Variants in ANO3 observed in about 807,000 individuals in gnomAD.
ANO3 encodes the protein anoctamin-3.
In ANO3, 99 loss-of-function variants were observed where a neutral mutation model predicts 144.8. The observed-to-expected ratio is 0.68, with a 90% CI of 0.58 to 0.81. The LOEUF is 0.81. Ranked by LOEUF, ANO3 falls within the 30% of genes least tolerant of loss-of-function variation. ANO3 has a pLI of 0.00. For synonymous variants in ANO3, 414 were observed against 392.6 expected (o/e 1.05, Z -0.64); for missense variants, 905 against 1,202.2 (o/e 0.75, Z 3.66).
chr11:26,373,435 C>T (rs535819296), intron 1 of ANO3, among the ~76,000 whole-genome samples: 14 of 152,224 alleles, frequency 9.2e-5, no homozygotes, highest in South Asian at 2.1e-4. Flanking sequence ...TTTTGCCTTC[C>T]GCCATGATTG....
At chr11:26,462,251 C>A (rs1859422147) in intron 3 of ANO3, among the ~76,000 whole-genome samples, 1 of 151,824 alleles carries the variant, frequency 6.6e-6, no homozygotes, top group South Asian at 2.1e-4. Context: ...GTTTTGATAT[C>A]TTTGAAAGGG....
At chr11:26,507,956 C>T in intron 4 of ANO3, 148 bp from the exon 5 acceptor site, 2 of 696,968 alleles carry the variant, frequency 2.9e-6, no homozygotes, top group South Asian at 4.8e-5. Context: ...TGTAAACACT[C>T]TTTAATTCTA....
chr11:26,313,801 G>C (rs1854559578), intron 1 of ANO3, among the ~76,000 whole-genome samples: 1 of 151,222 alleles, frequency 6.6e-6, no homozygotes, highest in Admixed American at 6.6e-5. Context: ...TTTGTTAAAT[G>C]CTATGTAAAT....
At chr11:26,455,694 A>G (rs1859125651) in intron 3 of ANO3, among the ~76,000 whole-genome samples, 1 of 148,748 alleles carries the variant, frequency 6.7e-6, no homozygotes, top group Non-Finnish European at 1.5e-5. Flanking sequence ...GCTACCAATG[A>G]CTTTCTTCAC....
Position 26,312,113 on chromosome 11 carries a change from C to T in ANO3, c.-3+2394C>T, listed in dbSNP as rs146842749. Among the ~76,000 whole-genome samples the T allele has an allele frequency of 5.5e-3, 830 of 152,234 alleles. 3 individuals are homozygous for T. The highest frequency in any genetic ancestry group is 0.01 in the Middle Eastern group (3 of 294). ...TGCAGTGTTTGGTTTTCTGTCCTTG[C>T]GATAGTTTGCTCAGAATGATGGTTT... On this transcript the variant is annotated intron_variant, in intron 1 of 26. Coordinates refer to the ANO3 transcript ENST00000525139.
chr11:26,309,736 G>C lies in ANO3; in HGVS notation c.-3+17G>C, dbSNP rs549577372. 1.3e-4 allele frequency: 126 copies of C among 982,100 alleles called. 2 individuals carry two copies. The South Asian group carries it at 4.8e-3, about 37-fold the overall frequency. The allele number at this position is 982,100 out of a possible 1,614,324, so 60.8% of individuals were successfully genotyped here. A position where few individuals can be genotyped will look rare whatever the true frequency, so the allele number is the denominator to read the frequency against. On this transcript the variant is annotated intron_variant, in intron 1 of 26. Transcript: ENST00000525139. ...ATAATGAAGGTGAGTCTTGGGGATG[G>C]TGTTTCAAGAGCTCCCACCAACTCT...
chr11:26,443,607 A>G (rs1034915371), intron 2 of ANO3, among the ~76,000 whole-genome samples, 158 bp from the exon 3 acceptor site: 1 of 152,172 alleles, frequency 6.6e-6, no homozygotes, highest in Admixed American at 6.5e-5. Flanking sequence ...TTCTTAAAAA[A>G]CGGAAAAAAC....
At chr11:26,532,900 G>A (rs149926741) in intron 8 of ANO3, among the ~76,000 whole-genome samples, 22 of 152,142 alleles carry the variant, frequency 1.4e-4, no homozygotes, top group Non-Finnish European at 2.9e-4. Flanking sequence ...TTTTACTTAT[G>A]CATCAGCTAT....
At chr11:26,332,107 C>G (rs1855061061), upstream of ANO3, 4 of 1,485,510 alleles carry the variant, frequency 2.7e-6, 1 homozygote, top group South Asian at 4.1e-5. Context: ...CCCATGACAA[C>G]GACACCGGCG....
chr11:26,242,212 A>C (rs1207296975), intron 1 of ANO3, among the ~76,000 whole-genome samples: 7 of 152,190 alleles, frequency 4.6e-5, no homozygotes, highest in Non-Finnish European at 7.3e-5. Context: ...CCCTTCGCCT[A>C]AATGTCTAGT....
At chr11:26,241,238 C>T (rs1852659037) in intron 1 of ANO3, among the ~76,000 whole-genome samples, 1 of 152,132 alleles carries the variant, frequency 6.6e-6, no homozygotes, top group African/African-American at 2.4e-5. Context: ...GTCCATTCAA[C>T]CTCTTTTTCT....
chr11:26,381,864 A>G (rs181950045), intron 1 of ANO3, among the ~76,000 whole-genome samples: 266 of 152,294 alleles, frequency 1.7e-3, no homozygotes, highest in Non-Finnish European at 3.3e-3. Context: ...AAGAATTGGT[A>G]TTTTATTTTT....
rs372461463 is a variant in ANO3 at position 26,271,532 on chromosome 11, G to A, written c.155-38113G>A. On this transcript the variant is annotated intron_variant, in intron 1 of 27. Coordinates refer to the ANO3 transcript ENST00000672621. The stretch of plus-strand genomic sequence containing the variant: ...ACATCTATTTAACTGTGATGCTTTA[G>A]TATTTGTATTTATTTCTTTTATTTA... Among the ~76,000 whole-genome samples the A allele has an allele frequency of 8.5e-5, 13 of 152,156 alleles. No individual in the cohort carries two copies. In the South Asian group the frequency reaches 1.9e-3, roughly 22 times the overall value.
At chr11:26,498,713 A>C (rs1005228116) in intron 4 of ANO3, among the ~76,000 whole-genome samples, 1 of 151,730 alleles carries the variant, frequency 6.6e-6, no homozygotes, top group Non-Finnish European at 1.5e-5. Context: ...CTTCTGTATA[A>C]TATTCCCTGA....
chr11:26,517,447 A>G (rs943176882), intron 6 of ANO3, among the ~76,000 whole-genome samples: 1 of 152,022 alleles, frequency 6.6e-6, no homozygotes, highest in African/African-American at 2.4e-5. Flanking sequence ...TCCTTTAGGC[A>G]AGTAAAGATT....
chr11:26,572,641 A>T (rs1590568214), intron 14 of ANO3, among the ~76,000 whole-genome samples: 2 of 152,154 alleles, frequency 1.3e-5, no homozygotes, highest in East Asian at 3.9e-4. Flanking sequence ...TAGTGGGGTC[A>T]GTAGTGAGGC....
intron 1 of ANO3, among the ~76,000 whole-genome samples, chr11:26,346,529 A>C (rs569431087): frequency 5.9e-5 from 9 of 152,278 alleles, no homozygotes; most frequent in Non-Finnish European, 1.3e-4. Context: ...CATGTAATAT[A>C]CCTTTTAAAT....
intron 1 of ANO3, among the ~76,000 whole-genome samples, chr11:26,340,586 T>A (rs921101212): frequency 1.1e-4 from 16 of 152,188 alleles, no homozygotes; most frequent in African/African-American, 3.9e-4. Flanking sequence ...TAGGAGAGTC[T>A]GACAATTGAG....
In ANO3 at chr11:26,639,130, A is replaced by G. The variant is rs1166959855; in HGVS notation, c.2044-14A>G. 6 of 1,564,012 alleles carry G rather than the reference A, an allele frequency of 3.8e-6. No homozygotes were observed. The Admixed American group carries it at 5.0e-5, about 13-fold the overall frequency. ...GAAGACCAATATCATTATTGCTCTT[A>G]TGTTCTATTTCAGTGTCATCCTAGT... On this transcript the variant is annotated splice_polypyrimidine_tract_variant and intron_variant, in intron 20 of 26. Coordinates refer to ENST00000256737, the MANE Select transcript of ANO3 (RefSeq NM_031418.4).
Sources: gnomAD v4.1 joint callset for allele counts (sites outside exome capture counted in the v4.1 genomes callset) on GRCh38, gnomAD v4.1.1 for gene constraint, MANE v1.5 for transcripts, NCBI Gene and HGNC (gene_info 2026-07-23, HGNC 2026-07-21) for gene names.